Variants in RABGAP1L observed in about 807,000 individuals in gnomAD.
The protein encoded by RABGAP1L is RAB GTPase activating protein 1 like, also known as rab GTPase-activating protein 1-like.
RABGAP1L carries 63 observed loss-of-function variants against 137.7 expected under a neutral mutation model. The observed-to-expected ratio is 0.46, with a 90% confidence interval of 0.37 to 0.56. The LOEUF (loss-of-function observed/expected upper bound fraction) is 0.56. RABGAP1L is among the 20% of genes least tolerant of loss of function. RABGAP1L has a pLI of 0.00. For synonymous variants in RABGAP1L, 431 were observed against 433.7 expected, an observed-to-expected ratio of 0.99 and a Z score of 0.08; for missense variants, 1,095 against 1,244.0, an observed-to-expected ratio of 0.88 and a Z score of 1.80.
At chr1:174,826,034 C>G (rs1203694719) in intron 19 of RABGAP1L, among the ~76,000 whole-genome samples, 3 of 152,150 alleles carry the variant, frequency 2.0e-5, no homozygotes, top group Admixed American at 6.5e-5. Flanking sequence ...GGTTTTTCAG[C>G]TCTTGGCTAC....
chr1:174,808,353 C>G (rs553109373), intron 18 of RABGAP1L, among the ~76,000 whole-genome samples: 48 of 152,116 alleles, frequency 3.2e-4, no homozygotes, highest in Non-Finnish European at 5.4e-4. Flanking sequence ...ACTCGGGAGC[C>G]TAAGATGGGA....
intron 14 of RABGAP1L, among the ~76,000 whole-genome samples, chr1:174,651,497 T>C (rs1675485096): frequency 1.3e-5 from 2 of 152,220 alleles, no homozygotes; most frequent in Non-Finnish European, 2.9e-5. Context: ...ACTCAGGACT[T>C]GCTTTATGAA....
chr1:174,784,545 A>T (rs902504544), intron 18 of RABGAP1L, among the ~76,000 whole-genome samples: 1 of 152,186 alleles, frequency 6.6e-6, no homozygotes, highest in African/African-American at 2.4e-5. Context: ...CTACCCAGAC[A>T]TGGTAATGTT....
rs537831943 is a variant in RABGAP1L, at chr1:174,696,264, G to A, written c.1900-3261G>A. Among the ~76,000 whole-genome samples, 10 of 152,128 alleles carry A rather than the reference G, an allele frequency of 6.6e-5. No homozygotes were observed. In the East Asian group the frequency reaches 1.9e-3, roughly 30 times the overall value. Reference sequence around the variant, plus strand: ...CTGTGGCTGAGCCGGTACTCAAGTTGCAGGACAAAGTCCTCTTTACTGTTT... The same window carrying A: ...CTGTGGCTGAGCCGGTACTCAAGTTACAGGACAAAGTCCTCTTTACTGTTT... On this transcript the variant is annotated intron_variant, in intron 15 of 25. Coordinates refer to ENST00000681986, the MANE Select transcript of RABGAP1L (RefSeq NM_001366446.1).
intron 19 of RABGAP1L, among the ~76,000 whole-genome samples, chr1:174,879,527 C>G (rs1653800427): frequency 6.6e-6 from 1 of 152,040 alleles, no homozygotes; most frequent in Admixed American, 6.6e-5. Context: ...GCCACTGCAC[C>G]CGGCTGATAC....
intron 11 of RABGAP1L, among the ~76,000 whole-genome samples, chr1:174,332,708 C>CTCTT (rs1159076509): frequency 6.6e-6 from 1 of 151,930 alleles, no homozygotes; most frequent in Non-Finnish European, 1.5e-5. Context: ...GAAACAGGAA[C>CTCTT]TCTTATATGC....
chr1:174,387,422 A>G (rs1686885872), intron 12 of RABGAP1L, among the ~76,000 whole-genome samples: 1 of 152,194 alleles, frequency 6.6e-6, no homozygotes, highest in African/African-American at 2.4e-5. Flanking sequence ...TGTAGACCTA[A>G]TGGAAATTTT....
chr1:174,684,212 A>G (rs981294378), intron 15 of RABGAP1L, among the ~76,000 whole-genome samples: 3 of 152,212 alleles, frequency 2.0e-5, no homozygotes, highest in African/African-American at 7.2e-5. Context: ...GCTAAGTGAA[A>G]GTGATACACA....
chr1:174,202,394 A>T (rs1218713490), intron 1 of RABGAP1L, among the ~76,000 whole-genome samples: 3 of 152,176 alleles, frequency 2.0e-5, no homozygotes, highest in African/African-American at 7.2e-5. Flanking sequence ...CATTTCTCTG[A>T]TGGCCAGTGA....
intron 19 of RABGAP1L, among the ~76,000 whole-genome samples, chr1:174,853,114 C>A (rs1489005505): frequency 1.3e-5 from 2 of 151,746 alleles, no homozygotes; most frequent in Non-Finnish European, 2.9e-5. Context: ...TATATTAATG[C>A]TCTGTGCCAA....
intron 13 of RABGAP1L, among the ~76,000 whole-genome samples, chr1:174,514,080 A>G (rs931455764): frequency 4.6e-5 from 7 of 152,248 alleles, no homozygotes; most frequent in African/African-American, 1.7e-4. Context: ...AAAATCTGAA[A>G]TTAATAAATC....
In RABGAP1L at chr1:174,993,735, A is replaced by G. The variant is rs980623294; in HGVS notation, c.*3734A>G. The G allele has an allele frequency of 3.3e-5, 5 of 152,366 alleles. No homozygotes were observed. Among genetic ancestry groups the G allele is most frequent in the Non-Finnish European group, 5.9e-5 (4 of 68,034 alleles). 9.4% of individuals were successfully genotyped at this position (152,366 alleles called of 1,614,324 possible). On this transcript the variant is annotated 3_prime_UTR_variant, in exon 26 of 26. Coordinates refer to ENST00000681986, the MANE Select transcript of RABGAP1L (RefSeq NM_001366446.1). ...CTTTAAGGGAAAAAACTTTTAAAAA[A>G]TTAAATGCCTTGGTTTTGTTTTATC...
chr1:174,364,653 T>C (rs1684458095), intron 11 of RABGAP1L, among the ~76,000 whole-genome samples: 2 of 152,358 alleles, frequency 1.3e-5, no homozygotes, highest in Admixed American at 1.3e-4. Flanking sequence ...TTGCTCATAG[T>C]AGCCACAAAT....
intron 19 of RABGAP1L, among the ~76,000 whole-genome samples, chr1:174,955,458 A>T (rs1668373080): frequency 6.6e-6 from 1 of 152,242 alleles, no homozygotes; most frequent in Non-Finnish European, 1.5e-5. Flanking sequence ...TTTATGTAAC[A>T]AATTATCTGG....
intron 1 of RABGAP1L, among the ~76,000 whole-genome samples, chr1:174,196,484 G>A (rs1218371731): frequency 6.6e-6 from 1 of 151,676 alleles, no homozygotes; most frequent in South Asian, 2.1e-4. Flanking sequence ...TCGGCCTCCC[G>A]AAGTGCTGGG....
chr1:174,413,559 C>T (rs1650191236), intron 13 of RABGAP1L, among the ~76,000 whole-genome samples: 1 of 152,138 alleles, frequency 6.6e-6, no homozygotes, highest in Non-Finnish European at 1.5e-5. Context: ...GGTTCCTTCT[C>T]ATCTGAAGAC....
At chr1:174,229,328 A>G (rs1176957551) in intron 3 of RABGAP1L, among the ~76,000 whole-genome samples, 1 of 152,104 alleles carries the variant, frequency 6.6e-6, no homozygotes, top group Non-Finnish European at 1.5e-5. Context: ...CTTTTGTTTA[A>G]TCCTCATTAT....
chr1:174,468,829 A>C (rs1320113793), intron 13 of RABGAP1L, among the ~76,000 whole-genome samples: 1 of 152,176 alleles, frequency 6.6e-6, no homozygotes, highest in Non-Finnish European at 1.5e-5. Context: ...CTAGTGCAGG[A>C]TGCCATACGT....
chr1:174,880,953 A>T (rs1198848762), intron 19 of RABGAP1L, among the ~76,000 whole-genome samples: 2 of 152,114 alleles, frequency 1.3e-5, no homozygotes, highest in Non-Finnish European at 2.9e-5. Context: ...GCCAAAGGAG[A>T]AAAGAAACAA....
Sources: allele counts gnomAD v4.1 joint callset (sites outside exome capture counted in the v4.1 genomes callset), GRCh38; gene constraint gnomAD v4.1.1; transcripts MANE v1.5; gene names NCBI Gene and HGNC (gene_info 2026-07-23, HGNC 2026-07-21).